The following MYO1D variants were observed in gnomAD, a reference collection of about 807,000 sequenced individuals.
MYO1D encodes the protein myosin ID.
Under a neutral mutation model 122.0 loss-of-function variants are expected in MYO1D, and 83 were observed. The observed-to-expected ratio is 0.68, with a 90% confidence interval of 0.57 to 0.82. The LOEUF is 0.82. Ranked by LOEUF, MYO1D falls within the 40% of genes least tolerant of loss-of-function variation. The pLI, the probability that MYO1D is intolerant of heterozygous loss-of-function variation, is 0.00. For synonymous variants in MYO1D, 464 were observed against 446.9 expected (o/e 1.04, Z -0.48); for missense variants, 1,157 against 1,269.5 (o/e 0.91, Z 1.35).
intron 15 of MYO1D, among the ~76,000 whole-genome samples, chr17:32,713,593 A>G (rs996808140): frequency 1.3e-5 from 2 of 152,166 alleles, no homozygotes; most frequent in African/African-American, 4.8e-5. Flanking sequence ...AAAGACCCAA[A>G]GCACCCTTGA....
At chr17:32,671,823 G>A (rs8065252) in intron 16 of MYO1D, among the ~76,000 whole-genome samples, 1 of 152,060 alleles carries the variant, frequency 6.6e-6, no homozygotes, top group Non-Finnish European at 1.5e-5. Context: ...GTGCCATGTC[G>A]GGCCATATTG....
intron 10 of MYO1D, 141 bp from the exon 11 acceptor site, chr17:32,755,803 C>G (rs1007481693): frequency 1.4e-5 from 9 of 623,048 alleles, no homozygotes; most frequent in Non-Finnish European, 2.4e-5. Context: ...AGGTCTTACG[C>G]TAAAAAGAGT....
At chr17:32,680,906 T>C (rs1365768295) in intron 16 of MYO1D, among the ~76,000 whole-genome samples, 1 of 152,196 alleles carries the variant, frequency 6.6e-6, no homozygotes, top group African/African-American at 2.4e-5. Context: ...TGGTAAACTA[T>C]TGATTATTGC....
Position 32,577,195 on chromosome 17 carries a change from G to A in MYO1D, c.2864+27892C>T, listed in dbSNP as rs552434216. Among the ~76,000 whole-genome samples, 652 of 145,656 alleles carry A rather than the reference G, an allele frequency of 4.5e-3. 4 individuals are homozygous for A. Among genetic ancestry groups the A allele is most frequent in the African/African-American group, 0.015 (614 of 40,138 alleles). On this transcript the variant is annotated intron_variant, in intron 21 of 21. Coordinates refer to ENST00000318217, the MANE Select transcript of MYO1D (RefSeq NM_015194.3). Reference sequence around the variant, plus strand: ...GAACCCGGGAGGCGGAGCTTGCAGTGAGCCGACATCGCACCATTGCACTCC... The same window carrying A: ...GAACCCGGGAGGCGGAGCTTGCAGTAAGCCGACATCGCACCATTGCACTCC...
chr17:32,555,907 G>A (rs552993967), intron 21 of MYO1D, among the ~76,000 whole-genome samples: 1 of 152,342 alleles, frequency 6.6e-6, no homozygotes, highest in African/African-American at 2.4e-5. Flanking sequence ...TTCCGAGCCT[G>A]AGCTGAAGTG....
chr17:32,810,181 T>C (rs2090556751), intron 1 of MYO1D, among the ~76,000 whole-genome samples: 1 of 151,844 alleles, frequency 6.6e-6, no homozygotes, highest in Non-Finnish European at 1.5e-5. Context: ...AGGGACTATA[T>C]ATGAAGGGTG....
chr17:32,738,648 A>G (rs1481185450), intron 13 of MYO1D, among the ~76,000 whole-genome samples: 2 of 152,222 alleles, frequency 1.3e-5, no homozygotes. Flanking sequence ...CATCCTTATT[A>G]TACCTACCTA....
chr17:32,832,340 A>G (rs1308953308), intron 1 of MYO1D, among the ~76,000 whole-genome samples: 1 of 147,596 alleles, frequency 6.8e-6, no homozygotes, highest in African/African-American at 2.5e-5. Flanking sequence ...ACGCTCTGTC[A>G]CCCAGGCTGA....
chr17:32,562,253 C>T lies in MYO1D; in HGVS notation c.2864+42834G>A, dbSNP rs192949695. On this transcript the variant is annotated intron_variant, in intron 21 of 21. Transcript: ENST00000318217. ...ATGAACATTTTTTTTGAAATTGTGA[C>T]CACAATCAGAATATAATATTACACA... 4.3e-4 allele frequency among the ~76,000 whole-genome samples: 65 copies of T among 151,998 alleles called. No homozygotes were observed. In the East Asian group the frequency reaches 8.9e-3, roughly 21 times the overall value.
At chr17:32,772,958 A>C in intron 4 of MYO1D, 116 bp from the exon 5 acceptor site, 1 of 768,640 alleles carries the variant, frequency 1.3e-6, no homozygotes, top group East Asian at 2.5e-5. Context: ...GTATACATCC[A>C]GATGGCCTGA....
chr17:32,825,235 C>T (rs962437100), intron 1 of MYO1D, among the ~76,000 whole-genome samples: 14 of 152,076 alleles, frequency 9.2e-5, no homozygotes, highest in African/African-American at 2.9e-4. Context: ...TTTATAAACA[C>T]AGGGTATTTA....
intron 16 of MYO1D, among the ~76,000 whole-genome samples, chr17:32,660,578 G>A (rs1421883540): frequency 6.6e-6 from 1 of 152,170 alleles, no homozygotes; most frequent in South Asian, 2.1e-4. Context: ...CACACTACGT[G>A]CAAGAAGATC....
chr17:32,644,380 TG>T (rs201476934), intron 19 of MYO1D, among the ~76,000 whole-genome samples: 6,995 of 152,294 alleles, frequency 0.046, 208 homozygotes, highest in Non-Finnish European at 0.073. Context: ...CTGAGAAGAA[TG>T]TATATTCTGT....
intron 12 of MYO1D, among the ~76,000 whole-genome samples, chr17:32,748,405 C>A (rs1419459177): frequency 6.6e-6 from 1 of 151,990 alleles, no homozygotes; most frequent in African/African-American, 2.4e-5. Context: ...CCCTGACTAA[C>A]CCTCTTTTAC....
chr17:32,589,598 C>A (rs76321964), intron 21 of MYO1D, among the ~76,000 whole-genome samples: 24,747 of 152,108 alleles, frequency 0.16, 2,121 homozygotes, highest in Middle Eastern at 0.26. Flanking sequence ...TGCCTCCACA[C>A]CCAAGCTCCG....
At chr17:32,677,585 ATAT>A (rs1567943805) in intron 16 of MYO1D, among the ~76,000 whole-genome samples, 27 of 8,628 alleles carry the variant, frequency 3.1e-3, no homozygotes, top group African/African-American at 0.013. Context: ...AGATAAATAT[ATAT>A]ATATATATAT....
chr17:32,791,365 A>G (rs1236108555), intron 1 of MYO1D, among the ~76,000 whole-genome samples: 1 of 128,020 alleles, frequency 7.8e-6, no homozygotes, highest in Non-Finnish European at 1.6e-5. Flanking sequence ...CTCCGTCTCA[A>G]AAAAAAAAAA....
intron 21 of MYO1D, among the ~76,000 whole-genome samples, chr17:32,594,894 C>T (rs915209189): frequency 6.6e-6 from 1 of 152,150 alleles, no homozygotes; most frequent in African/African-American, 2.4e-5. Context: ...ATCCTGCTTC[C>T]TTGTCAGCTC....
At chr17:32,570,156 G>C (rs915187854) in intron 21 of MYO1D, among the ~76,000 whole-genome samples, 1 of 152,156 alleles carries the variant, frequency 6.6e-6, no homozygotes, top group Non-Finnish European at 1.5e-5. Context: ...TCCAGCCTCA[G>C]AGTCTCACGA....
Sources: allele counts gnomAD v4.1 joint callset (sites outside exome capture counted in the v4.1 genomes callset), GRCh38; gene constraint gnomAD v4.1.1; transcripts MANE v1.5; gene names NCBI Gene and HGNC (gene_info 2026-07-23, HGNC 2026-07-21).